Variants in CINP observed in about 807,000 individuals in gnomAD.
CINP encodes cyclin dependent kinase 2 interacting protein.
Under a neutral mutation model 20.5 loss-of-function variants are expected in CINP, and 11 were observed. The ratio of observed to expected loss-of-function variants is 0.54; its 90% confidence interval spans 0.34 to 0.89. The LOEUF is 0.89. Ranked by LOEUF, CINP falls within the 40% of genes least tolerant of loss-of-function variation. The pLI, the probability that CINP is intolerant of heterozygous loss-of-function variation, is 0.02. For missense variants in CINP, 213 were observed against 251.0 expected, an observed-to-expected ratio of 0.85 and a Z score of 1.02; for synonymous variants, 108 against 102.1, an observed-to-expected ratio of 1.06 and a Z score of -0.35.
chr14:102,353,723 C>T (rs1016841882), intron 3 of CINP, among the ~76,000 whole-genome samples: 9 of 152,110 alleles, frequency 5.9e-5, no homozygotes, highest in South Asian at 2.1e-4. Context: ...GAAACTGTCA[C>T]GGCCAAAAGG....
intron 1 of CINP, 133 bp downstream of exon 1, chr14:102,362,712 G>T: frequency 1.6e-6 from 2 of 1,236,394 alleles, no homozygotes; most frequent in Non-Finnish European, 2.4e-6. Flanking sequence ...TGCGGGCTAG[G>T]CTGGGGTAAG....
At chr14:102,356,183 C>T (rs1052584632) in intron 2 of CINP, among the ~76,000 whole-genome samples, 5 of 152,110 alleles carry the variant, frequency 3.3e-5, no homozygotes, top group East Asian at 3.9e-4. Flanking sequence ...GAGGGATGGA[C>T]GCGGGAGGAC....
At chr14:102,356,812 C>T (rs1052564206) in intron 2 of CINP, among the ~76,000 whole-genome samples, 1 of 152,120 alleles carries the variant, frequency 6.6e-6, no homozygotes, top group African/African-American at 2.4e-5. Flanking sequence ...GCATATATAA[C>T]GGCAAGCTTA....
In CINP at chr14:102,348,541, C is replaced by T. The variant is rs1273586064; in HGVS notation, c.*16G>A. ...GAGACGTGGAAGGAGCCAGTGTCCG[C>T]AGCCGTCTCAGGACGTCAGAGAGCT... On this transcript the variant is annotated 3_prime_UTR_variant, in exon 5 of 5. Transcript: ENST00000216756. 1.2e-6 allele frequency: 2 copies of T among 1,601,454 alleles called. No homozygotes were observed. Among genetic ancestry groups the T allele is most frequent in the Non-Finnish European group, 8.5e-7 (1 of 1,175,500 alleles).
At position 102,362,846 on chromosome 14, in the gene CINP, T is replaced by G; in HGVS notation, c.6A>C (p.Glu2Asp). The change falls in exon 1 of 5, where the codon GAA (glutamate) becomes GAC (aspartate). Residue 2 changes from glutamate to aspartate, a missense_variant and splice_region_variant. Glu to Asp is a conservative substitution (Grantham distance 45). Coordinates refer to ENST00000216756, the MANE Select transcript of CINP (RefSeq NM_032630.3). The stretch of plus-strand genomic sequence containing the variant: ...GGGAAAGGAACCGATCTCACGCACC[T>G]TCCATAAGGTCCACAGATATCCGTA... M[E>D]AKTLGTVTPR... 1 of 1,614,082 alleles carries G rather than the reference T, an allele frequency of 6.2e-7. No individual in the cohort carries two copies. Among genetic ancestry groups the G allele is most frequent in the South Asian group, 1.1e-5 (1 of 91,066 alleles).
intron 2 of CINP, among the ~76,000 whole-genome samples, chr14:102,356,830 G>A (rs1043440672): frequency 6.6e-6 from 1 of 152,238 alleles, no homozygotes; most frequent in Middle Eastern, 3.4e-3. Context: ...TTAATGAATG[G>A]ATGTTGTGTG....
intron 2 of CINP, among the ~76,000 whole-genome samples, 195 bp downstream of exon 2, chr14:102,359,224 C>A (rs56353299): frequency 0.075 from 3,797 of 50,860 alleles, 83 homozygotes; most frequent in African/African-American, 0.13. Flanking sequence ...AAATAAATAA[C>A]TAAATATATA....
At chr14:102,358,053 C>T (rs1036659010) in intron 2 of CINP, among the ~76,000 whole-genome samples, 1 of 152,182 alleles carries the variant, frequency 6.6e-6, no homozygotes, top group Admixed American at 6.5e-5. Context: ...GATGTTAAAT[C>T]TACTCTGCCA....
intron 1 of CINP, 127 bp downstream of exon 1, chr14:102,362,718 G>A (rs906681106): frequency 1.5e-6 from 2 of 1,294,856 alleles, no homozygotes; most frequent in East Asian, 4.9e-5. Context: ...CTAGGCTGGG[G>A]TAAGACAGAG....
intron 1 of CINP, 138 bp downstream of exon 1, chr14:102,362,707 G>C: frequency 8.4e-7 from 1 of 1,183,626 alleles, no homozygotes; most frequent in Non-Finnish European, 1.2e-6. Flanking sequence ...GGGCCTGCGG[G>C]CTAGGCTGGG....
rs576913252 is a variant in CINP, at chr14:102,351,717, T to C, written c.307-1669A>G. ...TAATTTTTAAAGGACTTTACTTAAG[T>C]AGTTTCCCAAATCTTTTAAGGTTTG... On this transcript the variant is annotated intron_variant, in intron 3 of 4. Coordinates refer to ENST00000216756, the MANE Select transcript of CINP (RefSeq NM_032630.3). This position sits in a 1 kb window ranked among gnomAD's most constrained non-coding sequence, Gnocchi z 4.2. 6.6e-6 allele frequency among the ~76,000 whole-genome samples: 1 copy of C among 152,254 alleles called. No homozygotes were observed. Among genetic ancestry groups the C allele is most frequent in the South Asian group, 2.1e-4 (1 of 4,832 alleles).
rs1567308260 is a variant in CINP, at chr14:102,362,870, T to C, written c.-19A>G. The C allele has an allele frequency of 5.0e-6, 8 of 1,613,874 alleles. No individual in the cohort carries two copies. The highest frequency in any genetic ancestry group is 4.4e-5 in the South Asian group (4 of 91,060). On this transcript the variant is annotated 5_prime_UTR_variant, in exon 1 of 5. Coordinates refer to ENST00000216756, the MANE Select transcript of CINP (RefSeq NM_032630.3). The stretch of plus-strand genomic sequence containing the variant: ...CTTCCATAAGGTCCACAGATATCCG[T>C]AGAAGGAGACGCGAAGCCCCGCCCA...
chr14:102,350,617 G>C (rs138012778), intron 3 of CINP, among the ~76,000 whole-genome samples: 2,454 of 151,822 alleles, frequency 0.016, 26 homozygotes, highest in Middle Eastern at 0.027. Flanking sequence ...GCCTCCCAAA[G>C]TGCTGGGATT....
rs75296552 is a variant in CINP, at chr14:102,351,794, C to T, written c.307-1746G>A. ...GGCAGGACTTGTCATTTCCGTTTCA[C>T]AGCTGGGAAATTGCTTAAGGTTGAG... On this transcript the variant is annotated intron_variant, in intron 3 of 4. Coordinates refer to ENST00000216756, the MANE Select transcript of CINP (RefSeq NM_032630.3). This position sits in a 1 kb window ranked among gnomAD's most constrained non-coding sequence, Gnocchi z 4.2. 0.01 allele frequency among the ~76,000 whole-genome samples: 1,571 copies of T among 152,312 alleles called. 29 individuals carry two copies. The highest frequency in any genetic ancestry group is 0.036 in the African/African-American group (1,493 of 41,572).
In CINP at chr14:102,349,955, G is replaced by T. The variant is rs1886827937; in HGVS notation, c.400C>A (p.Pro134Thr). The T allele has an allele frequency of 6.2e-7, 1 of 1,613,654 alleles. No individual in the cohort carries two copies. The change falls in exon 4 of 5, where the codon CCC becomes ACC. Residue 134 changes from proline to threonine, a missense_variant. Coordinates refer to ENST00000216756, the MANE Select transcript of CINP (RefSeq NM_032630.3). The stretch of plus-strand genomic sequence containing the variant: ...GTAGGCCACGTGTGGAACAGAGGGG[G>T]TCGTTTACTCTCCTCCCCATAATGG... Reference protein sequence around the residue: ...NYHYGEESKRPPLFHTWPTTH... With the variant: ...NYHYGEESKRTPLFHTWPTTH...
intron 1 of CINP, among the ~76,000 whole-genome samples, chr14:102,361,001 C>T (rs1236371927): frequency 5.9e-5 from 9 of 152,156 alleles, no homozygotes; most frequent in South Asian, 2.1e-4. Flanking sequence ...GGACCAGGAC[C>T]GTTTTCATGG....
At chr14:102,350,176 G>A (rs1325512511) in intron 3 of CINP, 128 bp from the exon 4 acceptor site, 4 of 775,824 alleles carry the variant, frequency 5.2e-6, no homozygotes, top group Non-Finnish European at 8.1e-6. Flanking sequence ...ACTAAACACT[G>A]TTAACTCTAC....
intron 1 of CINP, among the ~76,000 whole-genome samples, chr14:102,360,612 G>T (rs1298617581): frequency 6.6e-6 from 1 of 152,136 alleles, no homozygotes; most frequent in Non-Finnish European, 1.5e-5. Flanking sequence ...TCTGTAAAAT[G>T]GGAATAAAAA....
At chr14:102,352,191 C>G (rs555321139) in intron 3 of CINP, among the ~76,000 whole-genome samples, 103 of 152,192 alleles carry the variant, frequency 6.8e-4, no homozygotes, top group African/African-American at 2.4e-3. Flanking sequence ...CAGCCGACAC[C>G]AAGTTTTAAC....
Sources: allele counts gnomAD v4.1 joint callset (sites outside exome capture counted in the v4.1 genomes callset), GRCh38; gene constraint gnomAD v4.1.1; non-coding constraint Gnocchi (gnomAD v3.1); transcripts MANE v1.5; gene names NCBI Gene and HGNC (gene_info 2026-07-23, HGNC 2026-07-21).